Variants in CATSPERB observed in about 807,000 individuals in gnomAD.
The protein encoded by CATSPERB is cation channel sperm-associated auxiliary subunit beta.
CATSPERB carries 93 observed loss-of-function variants against 128.3 expected under a neutral mutation model. The observed-to-expected ratio is 0.72, with a 90% CI of 0.61 to 0.86. The LOEUF is 0.86. Ranked by LOEUF, CATSPERB falls within the 40% of genes least tolerant of loss-of-function variation. The probability of loss-of-function intolerance (pLI) is 0.00; values close to 1 mark genes in which losing one functional copy is unlikely to be tolerated. For missense variants in CATSPERB, 1,153 were observed against 1,329.5 expected (o/e 0.87, Z 2.06); for synonymous variants, 381 against 448.8 (o/e 0.85, Z 1.91).
Position 91,581,066 on chromosome 14 carries a change from C to T in CATSPERB, c.3174G>A (p.Thr1058=), listed in dbSNP as rs1364666170. ...CTACCGCTGTTGCCACGGCAATAAG[C>T]GTGTGTCCTGGGAATGGCAATGGTG... ...DEAPLPFPGH[T]LIAVATAVVL... Residue 1058 remains threonine, a synonymous_variant, in exon 27 of 27, where the codon ACG becomes ACA. Coordinates refer to ENST00000256343, the MANE Select transcript of CATSPERB (RefSeq NM_024764.4). 5.6e-6 allele frequency: 9 copies of T among 1,614,042 alleles called. No homozygotes were observed. The highest frequency in any genetic ancestry group is 1.3e-5 in the African/African-American group (1 of 74,930).
intron 22 of CATSPERB, among the ~76,000 whole-genome samples, chr14:91,595,305 T>TATTTATTTATTTTTA (rs1319351061): frequency 1.2e-3 from 178 of 151,224 alleles, no homozygotes; most frequent in Non-Finnish European, 2.3e-3. Flanking sequence ...TTTATTTATT[T>TATTTATTTATTTTTA]ATTTATTTAT....
chr14:91,607,240 C>T (rs1439371027), intron 22 of CATSPERB, among the ~76,000 whole-genome samples: 2 of 151,560 alleles, frequency 1.3e-5, no homozygotes, highest in Non-Finnish European at 2.9e-5. Flanking sequence ...GTCAGAAAGA[C>T]AAGAAATAAA....
intron 13 of CATSPERB, among the ~76,000 whole-genome samples, chr14:91,672,559 TTTAA>T (rs1351932063): frequency 1.9e-4 from 29 of 152,306 alleles, no homozygotes; most frequent in African/African-American, 5.8e-4. Context: ...TTTTTTTCTG[TTTAA>T]TTAACCATTT....
In CATSPERB at chr14:91,591,877, T is replaced by C. The variant is rs1455327879; in HGVS notation, c.2820+15A>G. On this transcript the variant is annotated intron_variant, in intron 23 of 26. Coordinates refer to ENST00000256343, the MANE Select transcript of CATSPERB (RefSeq NM_024764.4). The stretch of plus-strand genomic sequence containing the variant: ...AGAAAGTATCCTGTATTCAGGTAAT[T>C]AGAAATGATCTTACTTTTTCCCTGC... 3 of 1,554,498 alleles carry C rather than the reference T, an allele frequency of 1.9e-6. No individual in the cohort carries two copies. Among genetic ancestry groups the C allele is most frequent in the Non-Finnish European group, 2.7e-6 (3 of 1,125,928 alleles).
chr14:91,599,725 T>C (rs1003351606), intron 22 of CATSPERB, among the ~76,000 whole-genome samples: 2 of 152,102 alleles, frequency 1.3e-5, no homozygotes, highest in East Asian at 3.9e-4. Flanking sequence ...TGGTTCAGTC[T>C]GGAAGGGGAG....
At chr14:91,722,882 T>A (rs1436632837) in intron 4 of CATSPERB, among the ~76,000 whole-genome samples, 167 bp downstream of exon 4, 3 of 152,160 alleles carry the variant, frequency 2.0e-5, no homozygotes, top group Non-Finnish European at 4.4e-5. Flanking sequence ...TTAATTTATT[T>A]AAAAATATAT....
chr14:91,636,584 A>T lies in CATSPERB; in HGVS notation c.1588-5T>A. On this transcript the variant is annotated splice_polypyrimidine_tract_variant and splice_region_variant and intron_variant, in intron 16 of 26. Transcript: ENST00000256343. ...CTCAAAGCCCATATCTGGAGGCTGG[A>T]AACAGAGAAAAGAAAATATTATATT... The T allele has an allele frequency of 6.2e-7, 1 of 1,603,252 alleles. No homozygotes were observed. Among genetic ancestry groups the T allele is most frequent in the Non-Finnish European group, 8.5e-7 (1 of 1,175,960 alleles).
At chr14:91,648,779 C>A (rs1566717857) in intron 15 of CATSPERB, among the ~76,000 whole-genome samples, 1 of 152,114 alleles carries the variant, frequency 6.6e-6, no homozygotes, top group Non-Finnish European at 1.5e-5. Context: ...TTTCTCTCCA[C>A]TTTAGCTTTA....
intron 18 of CATSPERB, 108 bp downstream of exon 18, chr14:91,624,712 T>G: frequency 1.3e-6 from 1 of 799,382 alleles, no homozygotes; most frequent in Non-Finnish European, 1.8e-6. Flanking sequence ...CCAGTTGGAC[T>G]AAAATTTGAA....
chr14:91,610,683 A>G lies in CATSPERB; in HGVS notation c.2401-6T>C. On this transcript the variant is annotated splice_polypyrimidine_tract_variant and splice_region_variant and intron_variant, in intron 20 of 26. Coordinates refer to ENST00000256343, the MANE Select transcript of CATSPERB (RefSeq NM_024764.4). ...AATGCCAGTGAAGTTGAACCCTGGA[A>G]ATAACCAAATAAATGAAGGTTATTT... 1 of 1,613,428 alleles carries G rather than the reference A, an allele frequency of 6.2e-7. No homozygotes were observed. The highest frequency in any genetic ancestry group is 1.1e-5 in the South Asian group (1 of 91,008).
chr14:91,665,586 T>C (rs1327972056), intron 14 of CATSPERB, among the ~76,000 whole-genome samples: 1 of 152,082 alleles, frequency 6.6e-6, no homozygotes, highest in Non-Finnish European at 1.5e-5. Context: ...TAAACTGATA[T>C]TGGCTGGGTG....
intron 22 of CATSPERB, among the ~76,000 whole-genome samples, chr14:91,600,867 C>T (rs1893597928): frequency 6.6e-6 from 1 of 152,224 alleles, no homozygotes; most frequent in South Asian, 2.1e-4. Flanking sequence ...CTAAAATGGT[C>T]ATCACAAATT....
In CATSPERB at chr14:91,587,477, C is replaced by CTTTTTTTTTTTTTTTTTTTTT. The variant is rs3029803; in HGVS notation, c.3058-222_3058-202dup. ...AAGTGGAGGGATTCAATAGCTGATA[C>CTTTTTTTTTTTTTTTTTTTTT]TTTTTTTTTTTTTTTTTTTTTTTTT... On this transcript the variant is annotated intron_variant, in intron 25 of 26. Coordinates refer to ENST00000256343, the MANE Select transcript of CATSPERB (RefSeq NM_024764.4). Among the ~76,000 whole-genome samples the CTTTTTTTTTTTTTTTTTTTTT allele has an allele frequency of 3.3e-4, 33 of 101,536 alleles. 1 individual carries two copies. Among genetic ancestry groups the CTTTTTTTTTTTTTTTTTTTTT allele is most frequent in the South Asian group, 7.1e-4 (2 of 2,812 alleles). 66.6% of individuals were successfully genotyped at this position (101,536 alleles called of 152,430 possible). A position where few individuals can be genotyped will look rare whatever the true frequency, so the allele number is the denominator to read the frequency against.
intron 15 of CATSPERB, among the ~76,000 whole-genome samples, chr14:91,655,653 G>C (rs1366225834): frequency 6.6e-6 from 1 of 151,624 alleles, no homozygotes; most frequent in East Asian, 1.9e-4. Flanking sequence ...GTAGATGAAA[G>C]AAAAAAGAAT....
intron 15 of CATSPERB, among the ~76,000 whole-genome samples, chr14:91,650,668 GTTCT>G (rs908199196): frequency 2.4e-4 from 33 of 137,926 alleles, no homozygotes; most frequent in African/African-American, 7.5e-4. Flanking sequence ...GGTTTCCTCT[GTTCT>G]TTCTGTTTTT....
At chr14:91,639,337 T>C (rs922358977) in intron 15 of CATSPERB, 87 bp from the exon 16 acceptor site, 4 of 1,111,434 alleles carry the variant, frequency 3.6e-6, no homozygotes, top group African/African-American at 1.6e-5. Context: ...GACACCTTCA[T>C]TTAAACTAAG....
intron 4 of CATSPERB, 67 bp from the exon 5 acceptor site, chr14:91,719,545 C>T: frequency 8.2e-7 from 1 of 1,221,196 alleles, no homozygotes; most frequent in South Asian, 1.3e-5. Flanking sequence ...ACATTCTATG[C>T]TATATTTTTA....
chr14:91,615,031 CA>C (rs1402752660), intron 20 of CATSPERB, among the ~76,000 whole-genome samples: 1 of 152,036 alleles, frequency 6.6e-6, no homozygotes, highest in African/African-American at 2.4e-5. Flanking sequence ...CTATATTCAC[CA>C]TACTGTGCAA....
chr14:91,712,845 C>T (rs191952839), intron 5 of CATSPERB, among the ~76,000 whole-genome samples: 1 of 152,322 alleles, frequency 6.6e-6, no homozygotes, highest in East Asian at 1.9e-4. Flanking sequence ...ATTAACCCAA[C>T]ATGCACATCT....
Sources: allele counts gnomAD v4.1 joint callset (sites outside exome capture counted in the v4.1 genomes callset), GRCh38; gene constraint gnomAD v4.1.1; transcripts MANE v1.5; gene names NCBI Gene and HGNC (gene_info 2026-07-23, HGNC 2026-07-21).